The following CHN2 variants were observed in gnomAD, a reference collection of about 807,000 sequenced individuals.
CHN2 encodes chimerin 2, also known as beta-chimaerin.
In CHN2, 35 loss-of-function variants were observed where a neutral mutation model predicts 56.3. That is an observed-to-expected ratio of 0.62 (90% CI 0.47 to 0.82). The LOEUF (loss-of-function observed/expected upper bound fraction) is 0.82. Among genes scored for constraint, CHN2 ranks in the 40% least tolerant of loss-of-function variants. CHN2 has a pLI of 0.00. For missense variants in CHN2, 491 were observed against 580.5 expected, an observed-to-expected ratio of 0.85 and a Z score of 1.58; for synonymous variants, 210 against 212.8, an observed-to-expected ratio of 0.99 and a Z score of 0.12.
At chr7:29,337,508 G>T (rs927247121) in intron 1 of CHN2, among the ~76,000 whole-genome samples, 1 of 152,264 alleles carries the variant, frequency 6.6e-6, no homozygotes, top group Non-Finnish European at 1.5e-5. Context: ...TTCTCACTCT[G>T]TTATGTAATG....
chr7:29,252,578 GTTTTTTT>G (rs545289689), intron 1 of CHN2, among the ~76,000 whole-genome samples: 35 of 19,492 alleles, frequency 1.8e-3, no homozygotes, highest in East Asian at 9.2e-3. Flanking sequence ...TGCATTCTTT[GTTTTTTT>G]TTTTTTTTTT....
At chr7:29,252,157 AATAAAACCTACCACATAAGATT>A (rs1788600236) in intron 1 of CHN2, among the ~76,000 whole-genome samples, 1 of 151,700 alleles carries the variant, frequency 6.6e-6, no homozygotes, top group African/African-American at 2.4e-5. Flanking sequence ...AATTGGGCAT[AATAAAACCTACCACATAAGATT>A]ATACAGGATT....
intron 7 of CHN2, among the ~76,000 whole-genome samples, chr7:29,491,165 A>G (rs1047884891): frequency 2.0e-5 from 3 of 151,958 alleles, no homozygotes; most frequent in Non-Finnish European, 4.4e-5. Flanking sequence ...TCTATTGGCT[A>G]GTTTGCTGGG....
At chr7:29,260,570 G>A (rs1789455161) in intron 1 of CHN2, among the ~76,000 whole-genome samples, 1 of 152,052 alleles carries the variant, frequency 6.6e-6, no homozygotes, top group Admixed American at 6.6e-5. Flanking sequence ...CAGAAAAAGT[G>A]CCCAGGGCTT....
chr7:29,421,692 C>T (rs1804362538), intron 6 of CHN2, among the ~76,000 whole-genome samples: 1 of 152,176 alleles, frequency 6.6e-6, no homozygotes, highest in Non-Finnish European at 1.5e-5. Flanking sequence ...GAGAAGGGCT[C>T]ATAAACGTCT....
chr7:29,296,115 G>A (rs570450910), intron 1 of CHN2, among the ~76,000 whole-genome samples: 5 of 148,960 alleles, frequency 3.4e-5, no homozygotes, highest in East Asian at 2.0e-4. Context: ...ACAGAGTCTC[G>A]CTCTGTCGCC....
intron 2 of CHN2, among the ~76,000 whole-genome samples, chr7:29,161,661 A>G (rs1795194237): frequency 6.6e-6 from 1 of 152,178 alleles, no homozygotes; most frequent in African/African-American, 2.4e-5. Context: ...TTTTAATTTA[A>G]ATCCATTTGA....
chr7:29,281,457 G>C (rs925746051), intron 1 of CHN2, among the ~76,000 whole-genome samples: 7 of 152,170 alleles, frequency 4.6e-5, no homozygotes, highest in African/African-American at 1.7e-4. Context: ...TCACACACAT[G>C]TGAGTGTATC....
intron 2 of CHN2, among the ~76,000 whole-genome samples, chr7:29,184,805 A>G (rs1798512935): frequency 6.6e-6 from 1 of 152,264 alleles, no homozygotes; most frequent in Non-Finnish European, 1.5e-5. Flanking sequence ...AAGTTGACGC[A>G]TAAAATTAAG....
intron 1 of CHN2, among the ~76,000 whole-genome samples, chr7:29,348,724 A>T (rs532418295): frequency 6.6e-6 from 1 of 152,200 alleles, no homozygotes; most frequent in Non-Finnish European, 1.5e-5. Flanking sequence ...TATCTACTTT[A>T]TTTTTGAGGT....
intron 6 of CHN2, among the ~76,000 whole-genome samples, chr7:29,473,905 T>C (rs996905672): frequency 6.6e-6 from 1 of 152,162 alleles, no homozygotes; most frequent in Admixed American, 6.5e-5. Context: ...TAATAAGAGT[T>C]TTATAATATA....
chr7:29,362,430 T>C (rs955311473), intron 2 of CHN2, among the ~76,000 whole-genome samples: 1 of 152,222 alleles, frequency 6.6e-6, no homozygotes. Flanking sequence ...GGGCAGCATT[T>C]CTTCTTCTGA....
intron 1 of CHN2, among the ~76,000 whole-genome samples, chr7:29,345,804 T>G (rs1231901410): frequency 6.6e-6 from 1 of 152,050 alleles, no homozygotes; most frequent in Non-Finnish European, 1.5e-5. Context: ...CCCGGTGCCC[T>G]CTAGTGACCA....
rs533976576 is a variant in CHN2, at chr7:29,288,253, G to A, written c.50-66372G>A. On this transcript the variant is annotated intron_variant, in intron 1 of 12. Transcript: ENST00000222792. ...TGTGGCCTTGGACAAGTCAATTCTCGCTGGTTTCCCAGTCTGTAAAACAGG... is the reference window on the plus strand; with the variant it reads ...TGTGGCCTTGGACAAGTCAATTCTCACTGGTTTCCCAGTCTGTAAAACAGG... Among the ~76,000 whole-genome samples, 660 of 152,240 alleles carry A rather than the reference G, an allele frequency of 4.3e-3. 5 individuals carry two copies. Among genetic ancestry groups the A allele is most frequent in the African/African-American group, 0.015 (639 of 41,538 alleles).
At chr7:29,473,909 T>A (rs753557060) in intron 6 of CHN2, among the ~76,000 whole-genome samples, 1 of 152,182 alleles carries the variant, frequency 6.6e-6, no homozygotes, top group Non-Finnish European at 1.5e-5. Flanking sequence ...AAGAGTTTTA[T>A]AATATACTTT....
intron 2 of CHN2, among the ~76,000 whole-genome samples, chr7:29,171,514 T>A (rs1404479828): frequency 6.6e-6 from 1 of 152,164 alleles, no homozygotes; most frequent in Non-Finnish European, 1.5e-5. Flanking sequence ...TCCTCCTCAA[T>A]TCAGCCCCGA....
At chr7:29,491,773 A>T (rs75582280) in intron 7 of CHN2, among the ~76,000 whole-genome samples, 3,458 of 152,300 alleles carry the variant, frequency 0.023, 125 homozygotes, top group African/African-American at 0.08. Context: ...TAATACATGC[A>T]TAATTGACTT....
At chr7:29,165,936 G>A (rs1312728127) in intron 2 of CHN2, among the ~76,000 whole-genome samples, 1 of 152,156 alleles carries the variant, frequency 6.6e-6, no homozygotes, top group African/African-American at 2.4e-5. Flanking sequence ...TATGTTCACA[G>A]GGGACATGAT....
chr7:29,174,659 G>A (rs910052535), intron 2 of CHN2, among the ~76,000 whole-genome samples: 5 of 152,116 alleles, frequency 3.3e-5, no homozygotes, highest in South Asian at 2.1e-4. Flanking sequence ...TCAGGAGTTC[G>A]AGATCAGCCT....
Sources: allele counts gnomAD v4.1 joint callset (sites outside exome capture counted in the v4.1 genomes callset), GRCh38; gene constraint gnomAD v4.1.1; transcripts MANE v1.5; gene names NCBI Gene and HGNC (gene_info 2026-07-23, HGNC 2026-07-21).